The following SNAP91 variants were observed in gnomAD, a reference collection of about 807,000 sequenced individuals.
SNAP91 encodes clathrin coat assembly protein AP180.
In SNAP91, 27 loss-of-function variants were observed where a neutral mutation model predicts 100.3. The ratio of observed to expected loss-of-function variants is 0.27; its 90% confidence interval spans 0.20 to 0.37. The LOEUF (loss-of-function observed/expected upper bound fraction) is 0.37. Ranked by LOEUF, SNAP91 falls within the 10% of genes least tolerant of loss-of-function variation. The probability of loss-of-function intolerance (pLI) is 1.00; values close to 1 mark genes in which losing one functional copy is unlikely to be tolerated. For missense variants in SNAP91, 986 were observed against 1,123.7 expected (o/e 0.88, Z 1.75); for synonymous variants, 404 against 398.6 (o/e 1.01, Z -0.16).
chr6:83,560,953 C>G lies in SNAP91; in HGVS notation c.2443-6G>C, dbSNP rs759796223. 1.3e-6 allele frequency: 2 copies of G among 1,592,204 alleles called. No individual in the cohort carries two copies. Among genetic ancestry groups the G allele is most frequent in the Non-Finnish European group, 1.7e-6 (2 of 1,172,160 alleles). On this transcript the variant is annotated splice_polypyrimidine_tract_variant and splice_region_variant and intron_variant, in intron 26 of 29. Transcript: ENST00000369694. ...GTTGGAGGTACAGCTCCTTGCTACA[C>G]AGATAGACAGACATACACATATAAA...
chr6:83,557,785 A>C (rs1781002263), intron 28 of SNAP91, among the ~76,000 whole-genome samples: 1 of 152,166 alleles, frequency 6.6e-6, no homozygotes, highest in South Asian at 2.1e-4. Flanking sequence ...AAATCAATTC[A>C]AAGATTGGTC....
At chr6:83,668,067 G>A (rs1463704923) in intron 2 of SNAP91, among the ~76,000 whole-genome samples, 1 of 152,072 alleles carries the variant, frequency 6.6e-6, no homozygotes, top group Non-Finnish European at 1.5e-5. Flanking sequence ...GCAGCCAACA[G>A]ACACATGAAA....
chr6:83,691,868 A>C (rs2099134751), intron 2 of SNAP91, among the ~76,000 whole-genome samples: 1 of 152,218 alleles, frequency 6.6e-6, no homozygotes, highest in Non-Finnish European at 1.5e-5. Flanking sequence ...TATACTAATA[A>C]AGGAAAGCCA....
chr6:83,601,928 G>C lies in SNAP91; in HGVS notation c.1142-329C>G, dbSNP rs1191248523. The stretch of plus-strand genomic sequence containing the variant: ...CAGAGTCATATGATCACATAATATT[G>C]ATTAGCTTTCAAATACATGTTGGTA... On this transcript the variant is annotated intron_variant, in intron 14 of 29. Transcript: ENST00000369694. Among the ~76,000 whole-genome samples the C allele has an allele frequency of 2.0e-5, 3 of 152,084 alleles. No individual in the cohort carries two copies. The South Asian group carries it at 6.2e-4, about 32-fold the overall frequency.
At chr6:83,622,633 C>T (rs971115906) in intron 9 of SNAP91, among the ~76,000 whole-genome samples, 2 of 152,046 alleles carry the variant, frequency 1.3e-5, no homozygotes, top group African/African-American at 4.8e-5. Flanking sequence ...ACAGTTCCTG[C>T]CAATTATGAG....
intron 7 of SNAP91, among the ~76,000 whole-genome samples, chr6:83,651,468 T>G (rs565140705): frequency 5.0e-4 from 76 of 152,298 alleles, no homozygotes; most frequent in Non-Finnish European, 7.4e-4. Context: ...GTTCAAAATA[T>G]TCTTACATTT....
rs756571478 is a variant in SNAP91, at chr6:83,665,456, T to C, written c.256A>G (p.Met86Val). Reference protein sequence around the residue: ...FKALVTTHHLMVHGNERFIQY... With the variant: ...FKALVTTHHLVVHGNERFIQY... Reference sequence around the variant, plus strand: ...TAGTTTACCTCATTTCCATGCACCATGAGATGATGTGTTGTCACTAAAGCC... The same window carrying C: ...TAGTTTACCTCATTTCCATGCACCACGAGATGATGTGTTGTCACTAAAGCC... Residue 86 changes from methionine (M) to valine (V), a missense_variant, in exon 3 of 30, where the codon ATG (methionine) becomes GTG (valine). By Grantham distance (21) the Met-to-Val change is conservative (BLOSUM62 1). Around this residue, in one of 4 missense-constraint regions of SNAP91, gnomAD observed 330 missense variants for 447.5 expected, o/e 0.74. Transcript: ENST00000369694. 3.1e-6 allele frequency: 5 copies of C among 1,612,380 alleles called. No individual in the cohort carries two copies. The highest frequency in any genetic ancestry group is 3.4e-6 in the Non-Finnish European group (4 of 1,178,944).
intron 2 of SNAP91, among the ~76,000 whole-genome samples, chr6:83,688,497 A>G (rs1587653665): frequency 6.7e-6 from 1 of 149,942 alleles, no homozygotes; most frequent in Non-Finnish European, 1.5e-5. Flanking sequence ...TACTCAGCCA[A>G]ACATCACTTT....
chr6:83,659,416 T>C (rs530617159), intron 5 of SNAP91, among the ~76,000 whole-genome samples: 84 of 149,850 alleles, frequency 5.6e-4, no homozygotes, highest in African/African-American at 2.0e-3. Flanking sequence ...TTGAAAAGTA[T>C]GTTTTCTTCT....
intron 9 of SNAP91, among the ~76,000 whole-genome samples, chr6:83,622,933 C>A (rs2096787901): frequency 6.6e-6 from 1 of 152,030 alleles, no homozygotes; most frequent in Admixed American, 6.5e-5. Context: ...GGAAGACAAG[C>A]AGGAGGAAAA....
At chr6:83,621,099 T>A (rs1176565741) in intron 9 of SNAP91, among the ~76,000 whole-genome samples, 1 of 152,158 alleles carries the variant, frequency 6.6e-6, no homozygotes, top group Non-Finnish European at 1.5e-5. Flanking sequence ...GTAAATTGCA[T>A]GTCACAGGGG....
intron 17 of SNAP91, among the ~76,000 whole-genome samples, chr6:83,594,037 AT>A (rs2094165185): frequency 1.3e-5 from 2 of 152,158 alleles, no homozygotes; most frequent in African/African-American, 4.8e-5. Context: ...TCTTCACTTT[AT>A]TTGGTCAATC....
chr6:83,609,736 A>G (rs1427999295), intron 12 of SNAP91, among the ~76,000 whole-genome samples: 1 of 152,176 alleles, frequency 6.6e-6, no homozygotes, highest in African/African-American at 2.4e-5. Flanking sequence ...CGAGTTATTA[A>G]AGTTATTATA....
intron 23 of SNAP91, among the ~76,000 whole-genome samples, chr6:83,581,096 A>G (rs1827736710): frequency 6.6e-6 from 1 of 152,210 alleles, no homozygotes. Context: ...AATGTGCTTT[A>G]TGGTGAAATC....
intron 2 of SNAP91, among the ~76,000 whole-genome samples, chr6:83,691,690 T>C (rs984091684): frequency 2.6e-4 from 40 of 152,270 alleles, no homozygotes; most frequent in African/African-American, 9.4e-4. Flanking sequence ...AGTCACTCCA[T>C]ATATGTTTTT....
chr6:83,626,601 T>G (rs2096940596), intron 8 of SNAP91, among the ~76,000 whole-genome samples: 1 of 152,096 alleles, frequency 6.6e-6, no homozygotes, highest in South Asian at 2.1e-4. Context: ...CTCCTAGGTT[T>G]TCAATTTTTT....
intron 2 of SNAP91, among the ~76,000 whole-genome samples, chr6:83,683,432 C>T (rs1215938859): frequency 6.6e-6 from 1 of 152,118 alleles, no homozygotes; most frequent in East Asian, 1.9e-4. Context: ...TGAGTTAATT[C>T]TTTCTCTATT....
chr6:83,607,497 C>T (rs2095705562), intron 13 of SNAP91, among the ~76,000 whole-genome samples: 1 of 152,064 alleles, frequency 6.6e-6, no homozygotes, highest in African/African-American at 2.4e-5. Context: ...CAGTTTGTGA[C>T]AACAAGGTGA....
At chr6:83,606,441 C>T (rs1407634418) in intron 13 of SNAP91, among the ~76,000 whole-genome samples, 3 of 152,166 alleles carry the variant, frequency 2.0e-5, no homozygotes, top group Non-Finnish European at 4.4e-5. Context: ...GTAGAATCTC[C>T]AAGGAGCAGC....
Sources: gnomAD v4.1 joint callset for allele counts (sites outside exome capture counted in the v4.1 genomes callset) on GRCh38, gnomAD v4.1.1 for gene constraint, gnomAD v4.1.1 regional missense constraint, MANE v1.5 for transcripts, NCBI Gene and HGNC (gene_info 2026-07-23, HGNC 2026-07-21) for gene names.